Variants in MEX3A observed in about 807,000 individuals in gnomAD.
The protein encoded by MEX3A is RNA-binding protein MEX3A.
A neutral mutation model predicts 30.0 loss-of-function variants in MEX3A; 4 were observed. The observed-to-expected ratio is 0.13, with a 90% CI of 0.07 to 0.30. The LOEUF is 0.30. Among genes scored for constraint, MEX3A ranks in the 10% least tolerant of loss-of-function variants. The pLI is 1.00. For synonymous variants in MEX3A, 335 were observed against 327.6 expected, an observed-to-expected ratio of 1.02 and a Z score of -0.24; for missense variants, 555 against 736.7, an observed-to-expected ratio of 0.75 and a Z score of 2.86.
chr1:156,077,043 T>C lies in MEX3A; in HGVS notation c.1094A>G (p.Tyr365Cys), dbSNP rs1176670692. The stretch of plus-strand genomic sequence containing the variant: ...ATAGCCCGGAAAGAGGTACCCGCCG[T>C]AGCCAAAGTCCCCGCCCTGCTCACC... ...RLGEQGGDFG[Y>C]GGYLFPGYGV... The change falls in exon 2 of 2, where the codon TAC (tyrosine) becomes TGC (cysteine). Residue 365 changes from tyrosine to cysteine, a missense_variant. Transcript: ENST00000532414. The surrounding 1 kb of genome is among the most constrained non-coding windows in gnomAD (Gnocchi z 8.3). 3 of 1,613,830 alleles carry C rather than the reference T, an allele frequency of 1.9e-6. No individual in the cohort carries two copies. The highest frequency in any genetic ancestry group is 2.5e-6 in the Non-Finnish European group (3 of 1,179,818).
At position 156,076,631 on chromosome 1, in the gene MEX3A, G is replaced by C. The variant is rs1384867473; in HGVS notation, c.1506C>G (p.Asp502Glu). The change falls in exon 2 of 2, where the codon GAC becomes GAG. Residue 502 changes from aspartate to glutamate, a missense_variant. Asp to Glu is a conservative substitution (Grantham distance 45). This residue lies in a region of MEX3A where 15 missense variants were observed against 59.4 expected (regional missense o/e 0.25). Transcript: ENST00000532414. The surrounding 1 kb of genome is among the most constrained non-coding windows in gnomAD (Gnocchi z 6.0). Reference protein sequence around the residue: ...ECAVRICERTDPECPVCHITA... With the variant: ...ECAVRICERTEPECPVCHITA... ...TGATGTGGCAGACGGGACACTCTGG[G>C]TCCGTCCTCTCGCAGATGCGTACTG... 6.2e-7 allele frequency: 1 copy of C among 1,613,790 alleles called. No homozygotes were observed. Among genetic ancestry groups the C allele is most frequent in the African/African-American group, 1.3e-5 (1 of 74,942 alleles).
chr1:156,077,326 T>A lies in MEX3A; in HGVS notation c.811A>T (p.Thr271Ser). Residue 271 changes from threonine (T) to serine (S), a missense_variant, in exon 2 of 2, where the codon ACG becomes TCG. Transcript: ENST00000532414. The surrounding 1 kb of genome is among the most constrained non-coding windows in gnomAD (Gnocchi z 8.3). ...SRDRDPVFEI[T>S]GAPGNVERAR... ...CGCTCCACGTTGCCTGGGGCACCCG[T>A]GATCTCGAACACGGGGTCGCGGTCA... 1 of 1,613,930 alleles carries A rather than the reference T, an allele frequency of 6.2e-7. No homozygotes were observed. Among genetic ancestry groups the A allele is most frequent in the Non-Finnish European group, 8.5e-7 (1 of 1,179,842 alleles).
chr1:156,077,303 C>G lies in MEX3A; in HGVS notation c.834G>C (p.Glu278Asp). 6.2e-7 allele frequency: 1 copy of G among 1,613,952 alleles called. No homozygotes were observed. Among genetic ancestry groups the G allele is most frequent in the Non-Finnish European group, 8.5e-7 (1 of 1,179,860 alleles). Residue 278 changes from glutamate (E) to aspartate (D), a missense_variant, in exon 2 of 2, where the codon GAG becomes GAC. Glu to Asp is a conservative substitution (Grantham distance 45). This residue lies in a region of MEX3A where 33 missense variants were observed against 100.9 expected (regional missense o/e 0.33). Coordinates refer to ENST00000532414, the MANE Select transcript of MEX3A (RefSeq NM_001093725.2). This position sits in a 1 kb window ranked among gnomAD's most constrained non-coding sequence, Gnocchi z 8.3. ...GCGTCTCGATCTCCTCGCGCGCACG[C>G]TCCACGTTGCCTGGGGCACCCGTGA... Reference protein sequence around the residue: ...FEITGAPGNVERAREEIETHI... With the variant: ...FEITGAPGNVDRAREEIETHI...
chr1:156,080,164 A>G (rs1282218717), intron 1 of MEX3A, among the ~76,000 whole-genome samples: 2 of 152,068 alleles, frequency 1.3e-5, no homozygotes, highest in Non-Finnish European at 2.9e-5. Flanking sequence ...CCCACACCCA[A>G]GAAAAGATAG....
intron 1 of MEX3A, among the ~76,000 whole-genome samples, chr1:156,081,307 G>A (rs1282750435): frequency 6.6e-6 from 1 of 152,242 alleles, no homozygotes; most frequent in East Asian, 1.9e-4. Context: ...CTTCCAGTGC[G>A]AGGATATTTC....
rs1647923632 is a variant in MEX3A, at chr1:156,072,132, G to A, written c.*4442C>T. ...ATCACTTTGACTTGATTATTCTTGG[G>A]TCTGTTTTATTTCCCGCTTTTATTT... On this transcript the variant is annotated 3_prime_UTR_variant, in exon 2 of 2. Coordinates refer to ENST00000532414, the MANE Select transcript of MEX3A (RefSeq NM_001093725.2). 6.6e-6 allele frequency: 1 copy of A among 152,670 alleles called. No homozygotes were observed. Among genetic ancestry groups the A allele is most frequent in the Non-Finnish European group, 1.5e-5 (1 of 68,006 alleles). The allele number at this position is 152,670 out of a possible 1,614,324, so 9.5% of individuals were successfully genotyped here. A position where few individuals can be genotyped will look rare whatever the true frequency, so the allele number is the denominator to read the frequency against.
Position 156,076,800 on chromosome 1 carries a change from C to A in MEX3A, c.1337G>T (p.Gly446Val). ...TTTAGAGAAGCCCTGGAGCGGCTCT[C>A]CCGGGGGGCGCCTCGGGAGTCCGGC... ...ELAGLPRRPP[G>V]EPLQGFSKLG... is the part of the protein sequence containing the mutation. Residue 446 changes from glycine to valine, a missense_variant, in exon 2 of 2, where the codon GGA (glycine) becomes GTA (valine). By Grantham distance (109) the Gly-to-Val change is moderately radical. Around this residue, in one of 6 missense-constraint regions of MEX3A, gnomAD observed 281 missense variants for 265.1 expected, o/e 1.06. Transcript: ENST00000532414. The surrounding 1 kb of genome is among the most constrained non-coding windows in gnomAD (Gnocchi z 6.0). 1 of 1,562,500 alleles carries A rather than the reference C, an allele frequency of 6.4e-7. No individual in the cohort carries two copies. The highest frequency in any genetic ancestry group is 8.7e-7 in the Non-Finnish European group (1 of 1,153,628).
Position 156,076,416 on chromosome 1 carries a change from C to G in MEX3A, c.*158G>C. 1 of 741,412 alleles carries G rather than the reference C, an allele frequency of 1.3e-6. No individual in the cohort carries two copies. Among genetic ancestry groups the G allele is most frequent in the Non-Finnish European group, 2.1e-6 (1 of 477,230 alleles). The allele number at this position is 741,412 out of a possible 1,614,324, so 45.9% of individuals were successfully genotyped here. A position where few individuals can be genotyped will look rare whatever the true frequency, so the allele number is the denominator to read the frequency against. On this transcript the variant is annotated 3_prime_UTR_variant, in exon 2 of 2. Transcript: ENST00000532414. This position sits in a 1 kb window ranked among gnomAD's most constrained non-coding sequence, Gnocchi z 6.0. The stretch of plus-strand genomic sequence containing the variant: ...GTGACCAGAGGCTCTGAAAGTGGCG[C>G]ACCCTCCAGCCACCACTGCCTCCCT...
In MEX3A at chr1:156,073,184, T is replaced by C. The variant is rs1403478192; in HGVS notation, c.*3390A>G. Reference sequence around the variant, plus strand: ...CCTGGGGGAAGCAGGCATGGGAGGGTTTGAGCTGGGAGCCCCAGGAGGGGA... The same window carrying C: ...CCTGGGGGAAGCAGGCATGGGAGGGCTTGAGCTGGGAGCCCCAGGAGGGGA... On this transcript the variant is annotated 3_prime_UTR_variant, in exon 2 of 2. Coordinates refer to ENST00000532414, the MANE Select transcript of MEX3A (RefSeq NM_001093725.2). The C allele has an allele frequency of 4.6e-5, 7 of 152,674 alleles. No homozygotes were observed. The highest frequency in any genetic ancestry group is 2.1e-4 in the South Asian group (1 of 4,816). 9.5% of individuals were successfully genotyped at this position (152,674 alleles called of 1,614,324 possible). A position where few individuals can be genotyped will look rare whatever the true frequency, so the allele number is the denominator to read the frequency against.
Position 156,076,406 on chromosome 1 carries a change from GAAA to G in MEX3A, c.*165_*167del. 1 of 670,522 alleles carries G rather than the reference GAAA, an allele frequency of 1.5e-6. No homozygotes were observed. Among genetic ancestry groups the G allele is most frequent in the South Asian group, 2.2e-5 (1 of 44,972 alleles). The allele number at this position is 670,522 out of a possible 1,614,324, so 41.5% of individuals were successfully genotyped here. On this transcript the variant is annotated 3_prime_UTR_variant, in exon 2 of 2. Transcript: ENST00000532414. This position sits in a 1 kb window ranked among gnomAD's most constrained non-coding sequence, Gnocchi z 6.0. ...CCAGGACAGGGTGACCAGAGGCTCT[GAAA>G]GTGGCGCACCCTCCAGCCACCACTG...
intron 1 of MEX3A, among the ~76,000 whole-genome samples, chr1:156,080,956 G>A (rs1032776136): frequency 6.6e-6 from 1 of 152,126 alleles, no homozygotes; most frequent in African/African-American, 2.4e-5. Context: ...CCAACTTTGG[G>A]GTGTGGGTGA....
rs546946923 is a variant in MEX3A, at chr1:156,076,724, G to A, written c.1413C>T (p.Val471=). 3 of 1,612,964 alleles carry A rather than the reference G, an allele frequency of 1.9e-6. No homozygotes were observed. The highest frequency in any genetic ancestry group is 1.3e-5 in the African/African-American group (1 of 75,066). ...RSPGGGRDCM[V]CFESEVTAAL... is the part of the protein sequence containing the mutation. ...CGGCAGTCACTTCGCTCTCAAAGCA[G>A]ACCATGCAATCCCGCCCGCCGCCGG... Residue 471 remains valine, a synonymous_variant, in exon 2 of 2, where the codon GTC becomes GTT. Transcript: ENST00000532414. The surrounding 1 kb of genome is among the most constrained non-coding windows in gnomAD (Gnocchi z 6.0).
chr1:156,077,080 C>T lies in MEX3A; in HGVS notation c.1057G>A (p.Ala353Thr), dbSNP rs754872140. Reference sequence around the variant, plus strand: ...CCGCCCTGCTCACCCAGGCGTGGGGCCTCAAAGCCAGAGTCCACTCCGCAC... The same window carrying T: ...CCGCCCTGCTCACCCAGGCGTGGGGTCTCAAAGCCAGAGTCCACTCCGCAC... The part of the protein sequence containing the change: ...GECGVDSGFE[A>T]PRLGEQGGDF... The change falls in exon 2 of 2, where the codon GCC (alanine) becomes ACC (threonine). Residue 353 changes from alanine (A) to threonine (T), a missense_variant. Ala to Thr is a moderately conservative substitution (Grantham distance 58). Coordinates refer to ENST00000532414, the MANE Select transcript of MEX3A (RefSeq NM_001093725.2). This position sits in a 1 kb window ranked among gnomAD's most constrained non-coding sequence, Gnocchi z 8.3. The T allele has an allele frequency of 6.2e-7, 1 of 1,613,920 alleles. No individual in the cohort carries two copies. Among genetic ancestry groups the T allele is most frequent in the Non-Finnish European group, 8.5e-7 (1 of 1,179,838 alleles).
rs893337743 is a variant in MEX3A at position 156,075,640 on chromosome 1, A to C, written c.*934T>G. On this transcript the variant is annotated 3_prime_UTR_variant, in exon 2 of 2. Coordinates refer to ENST00000532414, the MANE Select transcript of MEX3A (RefSeq NM_001093725.2). ...TGAAGAGGAATGGAGGGACCATCCAAATATTCCTCCCCCTACTTCTCCCCA... is the reference window on the plus strand; with the variant it reads ...TGAAGAGGAATGGAGGGACCATCCACATATTCCTCCCCCTACTTCTCCCCA... 6.5e-6 allele frequency: 1 copy of C among 152,724 alleles called. No individual in the cohort carries two copies. The allele number at this position is 152,724 out of a possible 1,614,324, so 9.5% of individuals were successfully genotyped here.
In MEX3A at chr1:156,081,539, G is replaced by A. The variant is rs760867722; in HGVS notation, c.454+6C>T. 1.3e-4 allele frequency: 213 copies of A among 1,602,984 alleles called. 1 individual carries two copies. The South Asian group carries it at 2.2e-3, about 17-fold the overall frequency. On this transcript the variant is annotated splice_donor_region_variant and intron_variant, in intron 1 of 1. Transcript: ENST00000532414. ...TCCCTCTCAGTGGTCCCGGCGCCCC[G>A]CTTACCTTGCCTGCCCACGATCTCG...
At position 156,075,871 on chromosome 1, in the gene MEX3A, A is replaced by G. The variant is rs10047112; in HGVS notation, c.*703T>C. On this transcript the variant is annotated 3_prime_UTR_variant, in exon 2 of 2. Coordinates refer to ENST00000532414, the MANE Select transcript of MEX3A (RefSeq NM_001093725.2). The stretch of plus-strand genomic sequence containing the variant: ...CGGAGAGAGTGAAGGGAAACACTGC[A>G]GGGGACAGGGGCAGAGAGGAGGACT... 0.5 allele frequency: 76,498 copies of G among 152,368 alleles called. 21,012 individuals are homozygous for G. Among genetic ancestry groups the G allele is most frequent in the East Asian group, 0.78 (4,107 of 5,252 alleles). 9.4% of individuals were successfully genotyped at this position (152,368 alleles called of 1,614,324 possible). A position where few individuals can be genotyped will look rare whatever the true frequency, so the allele number is the denominator to read the frequency against.
rs774171834 is a variant in MEX3A, at chr1:156,076,586, T to G, written c.1551A>C (p.Arg517=). Residue 517 remains arginine, a synonymous_variant, in exon 2 of 2, where the codon CGA becomes CGC. Transcript: ENST00000532414. This position sits in a 1 kb window ranked among gnomAD's most constrained non-coding sequence, Gnocchi z 6.0. ...VCHITATQAI[R]IFS The stretch of plus-strand genomic sequence containing the variant: ...TGGGGCACGGGGCTTAGGAGAATAT[T>G]CGGATGGCTTGCGTGGCTGTGATGT... The G allele has an allele frequency of 1.9e-6, 3 of 1,611,818 alleles. No individual in the cohort carries two copies. The East Asian group carries it at 6.7e-5, about 36-fold the overall frequency.
intron 1 of MEX3A, 42 bp downstream of exon 1, chr1:156,081,503 C>A (rs1199393342): frequency 6.5e-7 from 1 of 1,527,402 alleles, no homozygotes; most frequent in South Asian, 1.1e-5. Context: ...ACGAGGGTGC[C>A]CCCACTACAG....
rs1647973280 is a variant in MEX3A at position 156,073,545 on chromosome 1, A to AG, written c.*3028dup. 1 of 152,638 alleles carries AG rather than the reference A, an allele frequency of 6.6e-6. No individual in the cohort carries two copies. The highest frequency in any genetic ancestry group is 1.5e-5 in the Non-Finnish European group (1 of 68,022). 9.5% of individuals were successfully genotyped at this position (152,638 alleles called of 1,614,324 possible). On this transcript the variant is annotated 3_prime_UTR_variant, in exon 2 of 2. Coordinates refer to ENST00000532414, the MANE Select transcript of MEX3A (RefSeq NM_001093725.2). ...AACTTTTATACATTCTACTGGACCCAGGGGCCCTCAATGCTACTAAACTTT... is the reference window on the plus strand; with the variant it reads ...AACTTTTATACATTCTACTGGACCCAGGGGGCCCTCAATGCTACTAAACTTT...
Sources: allele counts gnomAD v4.1 joint callset (sites outside exome capture counted in the v4.1 genomes callset), GRCh38; gene constraint gnomAD v4.1.1; regional missense constraint gnomAD v4.1.1; non-coding constraint Gnocchi (gnomAD v3.1); transcripts MANE v1.5; gene names NCBI Gene and HGNC (gene_info 2026-07-23, HGNC 2026-07-21).